Variants in MFN1 observed in about 807,000 individuals in gnomAD.
The protein encoded by MFN1 is mitofusin-1.
In MFN1, 65 loss-of-function variants were observed where a neutral mutation model predicts 92.4. That is an observed-to-expected ratio of 0.70 (90% CI 0.58 to 0.86). MFN1 has a LOEUF of 0.86. Among genes scored for constraint, MFN1 ranks in the 40% least tolerant of loss-of-function variants. MFN1 has a pLI of 0.00. For missense variants in MFN1, 781 were observed against 868.0 expected (o/e 0.90, Z 1.26); for synonymous variants, 297 against 300.9 (o/e 0.99, Z 0.13).
chr3:179,368,237 T>C lies in MFN1; in HGVS notation c.975+134T>C. 2 of 484,088 alleles carry C rather than the reference T, an allele frequency of 4.1e-6. 1 individual carries two copies. The highest frequency in any genetic ancestry group is 6.4e-6 in the Non-Finnish European group (2 of 310,962). The allele number at this position is 484,088 out of a possible 1,614,324, so 30.0% of individuals were successfully genotyped here. Reference sequence around the variant, plus strand: ...TTAGTTTAGTTACTGACACAGCCAGTAAAATGTGGAAAGTGAAGAAAAGGA... The same window carrying C: ...TTAGTTTAGTTACTGACACAGCCAGCAAAATGTGGAAAGTGAAGAAAAGGA... On this transcript the variant is annotated intron_variant, in intron 9 of 17. Transcript: ENST00000471841.
At chr3:179,384,033 T>C (rs1454395738) in intron 14 of MFN1, among the ~76,000 whole-genome samples, 1 of 152,208 alleles carries the variant, frequency 6.6e-6, no homozygotes, top group Non-Finnish European at 1.5e-5. Context: ...TTTATGGATT[T>C]GCCCTTTCTG....
chr3:179,354,432 A>G (rs554404169), intron 3 of MFN1, among the ~76,000 whole-genome samples: 1 of 152,284 alleles, frequency 6.6e-6, no homozygotes, highest in East Asian at 1.9e-4. Context: ...TAGTCCTGAG[A>G]GGATTGGATG....
chr3:179,352,084 G>C, intron 3 of MFN1, 49 bp downstream of exon 3: 1 of 1,520,814 alleles, frequency 6.6e-7, no homozygotes, highest in Non-Finnish European at 8.9e-7. Flanking sequence ...AATCAGCTTT[G>C]TGTCTGATGT....
At chr3:179,348,800 A>G (rs1409667982) in intron 1 of MFN1, 45 bp from the exon 2 acceptor site, 4 of 1,593,200 alleles carry the variant, frequency 2.5e-6, no homozygotes, top group Admixed American at 1.7e-5. Context: ...TTGCATGTCT[A>G]TCATCCACTT....
chr3:179,386,591 T>C lies in MFN1; in HGVS notation c.1974T>C (p.Val658=). The C allele has an allele frequency of 1.2e-6, 2 of 1,613,916 alleles. No individual in the cohort carries two copies. Among genetic ancestry groups the C allele is most frequent in the Admixed American group, 1.7e-5 (1 of 59,932 alleles). ...NYATEKLRMI[V]SSTSANCSHQ... ...CAACTGAAAAACTGAGGATGATTGT[T>C]AGCTCCACGAGTGCAAACTGCAGTC... Residue 658 remains valine (V), a synonymous_variant, in exon 16 of 18, where the codon GTT becomes GTC. Transcript: ENST00000471841.
intron 9 of MFN1, among the ~76,000 whole-genome samples, chr3:179,369,155 ATTGT>A (rs1368436546): frequency 1.3e-5 from 2 of 152,074 alleles, no homozygotes; most frequent in South Asian, 4.1e-4. Context: ...CTCAAAGACT[ATTGT>A]TTGTTTTTTT....
At chr3:179,351,435 A>G (rs964494225) in intron 2 of MFN1, among the ~76,000 whole-genome samples, 1 of 152,174 alleles carries the variant, frequency 6.6e-6, no homozygotes, top group East Asian at 1.9e-4. Context: ...AGCAGATAGA[A>G]CGTGGTAAAG....
At chr3:179,367,737 A>G in intron 8 of MFN1, 145 bp downstream of exon 8, 1 of 583,580 alleles carries the variant, frequency 1.7e-6, no homozygotes, top group Non-Finnish European at 2.7e-6. Context: ...AGCCTGGCCA[A>G]CATGGTGAAA....
At chr3:179,357,280 T>C (rs1712382556) in intron 3 of MFN1, among the ~76,000 whole-genome samples, 1 of 152,200 alleles carries the variant, frequency 6.6e-6, no homozygotes, top group Non-Finnish European at 1.5e-5. Flanking sequence ...GCAGCCTGAT[T>C]ATTAATGAGC....
chr3:179,389,147 T>TATTC (rs373241329), intron 16 of MFN1, among the ~76,000 whole-genome samples: 2 of 152,232 alleles, frequency 1.3e-5, no homozygotes, highest in Non-Finnish European at 2.9e-5. Flanking sequence ...TTTGTTCATT[T>TATTC]ATTCATTCAT....
At chr3:179,379,568 G>T (rs968345961) in intron 14 of MFN1, among the ~76,000 whole-genome samples, 1 of 152,080 alleles carries the variant, frequency 6.6e-6, no homozygotes, top group African/African-American at 2.4e-5. Flanking sequence ...TGGCCAGACT[G>T]GTCTCGAACT....
chr3:179,384,440 G>A (rs1713592257), intron 14 of MFN1, among the ~76,000 whole-genome samples: 1 of 152,038 alleles, frequency 6.6e-6, no homozygotes, highest in African/African-American at 2.4e-5. Flanking sequence ...CTAGCCATTT[G>A]TGTATCTTCT....
Position 179,385,608 on chromosome 3 carries a change from A to G in MFN1, c.1702A>G (p.Thr568Ala). 6.2e-7 allele frequency: 1 copy of G among 1,611,454 alleles called. No individual in the cohort carries two copies. Among genetic ancestry groups the G allele is most frequent in the East Asian group, 2.2e-5 (1 of 44,766 alleles). ...AGCTTCTACTCCCACTGCTCCTACC[A>G]CTCCAGCAACGCCAGATAATGCATC... ...SLASTPTAPT[T>A]PATPDNASQE... is the part of the protein sequence containing the mutation. The change falls in exon 15 of 18, where the codon ACT (threonine) becomes GCT (alanine). Residue 568 changes from threonine (T) to alanine (A), a missense_variant. Physicochemically the swap from Thr to Ala is moderately conservative, Grantham distance 58. Coordinates refer to ENST00000471841, the MANE Select transcript of MFN1 (RefSeq NM_033540.3).
intron 4 of MFN1, among the ~76,000 whole-genome samples, chr3:179,360,055 A>G (rs1362604714): frequency 6.6e-6 from 1 of 151,994 alleles, no homozygotes; most frequent in Non-Finnish European, 1.5e-5. Context: ...AGCTGGGATT[A>G]CAGGCATGCA....
At chr3:179,356,638 G>GT (rs576046928) in intron 3 of MFN1, among the ~76,000 whole-genome samples, 46 of 151,956 alleles carry the variant, frequency 3.0e-4, no homozygotes, top group Admixed American at 9.8e-4. Flanking sequence ...TTCCACAGTT[G>GT]TTTTTTTTGT....
In MFN1 at chr3:179,369,035, A is replaced by G. The variant is rs1319141362; in HGVS notation, c.975+932A>G. 2.0e-5 allele frequency among the ~76,000 whole-genome samples: 3 copies of G among 152,358 alleles called. No homozygotes were observed. The South Asian group carries it at 6.2e-4, about 32-fold the overall frequency. On this transcript the variant is annotated intron_variant, in intron 9 of 17. Transcript: ENST00000471841. ...AGACAGATGAAGACAAACTGGAAGAAAGCAAATCCACTGCCAGCTATCTCG... is the reference window on the plus strand; with the variant it reads ...AGACAGATGAAGACAAACTGGAAGAGAGCAAATCCACTGCCAGCTATCTCG...
In MFN1 at chr3:179,383,637, C is replaced by T. The variant is rs573011161; in HGVS notation, c.1663-1932C>T. 4.1e-4 allele frequency among the ~76,000 whole-genome samples: 62 copies of T among 152,200 alleles called. No homozygotes were observed. In the East Asian group the frequency reaches 0.011, roughly 28 times the overall value. On this transcript the variant is annotated intron_variant, in intron 14 of 17. Coordinates refer to ENST00000471841, the MANE Select transcript of MFN1 (RefSeq NM_033540.3). The stretch of plus-strand genomic sequence containing the variant: ...GTCATTGGTAGCTTGATGGGGATGG[C>T]ATTGAATCTATAAATTACCTTGGGC...
intron 14 of MFN1, among the ~76,000 whole-genome samples, chr3:179,384,339 G>A (rs1441975562): frequency 6.6e-6 from 1 of 152,082 alleles, no homozygotes; most frequent in Non-Finnish European, 1.5e-5. Flanking sequence ...TATATACGTA[G>A]GTTCTAATGG....
rs1406956370 is a variant in MFN1 at position 179,362,414 on chromosome 3, T to G, written c.468T>G (p.Cys156Trp). The change falls in exon 5 of 18, where the codon TGT (cysteine) becomes TGG (tryptophan). Residue 156 changes from cysteine (C) to tryptophan (W), a missense_variant. By Grantham distance (215) the Cys-to-Trp change is radical. Transcript: ENST00000471841. ...LHMDKDLKAG[C>W]LVRVFWPKAK... ...TGGACAAAGATTTGAAAGCTGGCTGTCTTGTACGTGTGTTTTGGCCAAAAG... is the reference window on the plus strand; with the variant it reads ...TGGACAAAGATTTGAAAGCTGGCTGGCTTGTACGTGTGTTTTGGCCAAAAG... 6.2e-7 allele frequency: 1 copy of G among 1,613,730 alleles called. No homozygotes were observed. The highest frequency in any genetic ancestry group is 8.5e-7 in the Non-Finnish European group (1 of 1,179,980).
Sources: gnomAD v4.1 joint callset for allele counts (sites outside exome capture counted in the v4.1 genomes callset) on GRCh38, gnomAD v4.1.1 for gene constraint, MANE v1.5 for transcripts, NCBI Gene and HGNC (gene_info 2026-07-23, HGNC 2026-07-21) for gene names.